The following SLC17A4 variants were observed in gnomAD, a reference collection of about 807,000 sequenced individuals.
SLC17A4 encodes solute carrier family 17 member 4, also known as probable small intestine urate exporter.
Under a neutral mutation model 52.5 loss-of-function variants are expected in SLC17A4, and 33 were observed. The observed-to-expected ratio is 0.63, with a 90% CI of 0.48 to 0.84. The LOEUF (loss-of-function observed/expected upper bound fraction) is 0.84. Ranked by LOEUF, SLC17A4 falls within the 40% of genes least tolerant of loss-of-function variation. The pLI is 0.00. For missense variants in SLC17A4, 585 were observed against 597.1 expected, an observed-to-expected ratio of 0.98 and a Z score of 0.21; for synonymous variants, 225 against 216.2, an observed-to-expected ratio of 1.04 and a Z score of -0.36.
At chr6:25,777,014 CTAAAT>C in intron 10 of SLC17A4, 55 bp downstream of exon 10, 1 of 1,541,638 alleles carries the variant, frequency 6.5e-7, no homozygotes, top group Non-Finnish European at 8.7e-7. Flanking sequence ...TCTAGCAGCC[CTAAAT>C]CTACTCTGAT....
Position 25,779,395 on chromosome 6 carries a change from T to C in SLC17A4, c.*207T>C. The stretch of plus-strand genomic sequence containing the variant: ...CAAGCTACTAAAAGCATAGGTGTGT[T>C]GAGATTTCTGTGTTCTCCACTCTTC... On this transcript the variant is annotated 3_prime_UTR_variant, in exon 12 of 12. Transcript: ENST00000377905. 1 of 555,968 alleles carries C rather than the reference T, an allele frequency of 1.8e-6. No individual in the cohort carries two copies. The highest frequency in any genetic ancestry group is 3.0e-6 in the Non-Finnish European group (1 of 332,064). The allele number at this position is 555,968 out of a possible 1,614,324, so 34.4% of individuals were successfully genotyped here.
At position 25,779,089 on chromosome 6, in the gene SLC17A4, T is replaced by C; in HGVS notation, c.1395T>C (p.Leu465=). 6.2e-7 allele frequency: 1 copy of C among 1,613,868 alleles called. No homozygotes were observed. Among genetic ancestry groups the C allele is most frequent in the Non-Finnish European group, 8.5e-7 (1 of 1,179,798 alleles). Residue 465 remains leucine (L), a synonymous_variant, in exon 12 of 12, where the codon CTT becomes CTC. Transcript: ENST00000377905. ...SEFGWRNVFL[L]SAAVNISGLV... ...TTGGTTGGAGAAATGTCTTCTTGCT[T>C]TCAGCTGCTGTTAACATATCGGGCC...
rs1205530733 is a variant in SLC17A4 at position 25,770,193 on chromosome 6, G to T, written c.424G>T (p.Gly142Cys). The change falls in exon 4 of 12, where the codon GGT becomes TGT. Residue 142 changes from glycine (G) to cysteine (C), a missense_variant. By Grantham distance (159) the Gly-to-Cys change is radical. Transcript: ENST00000377905. ...AGIFGAKYVV[G>C]AGLFISSFLT... ...AATATTTGGAGCCAAGTATGTGGTT[G>T]GTGCTGGCTTGTTTATTTCCTCATT... 9 of 1,613,966 alleles carry T rather than the reference G, an allele frequency of 5.6e-6. No individual in the cohort carries two copies.
At chr6:25,775,742 A>G (rs1391190348) in intron 8 of SLC17A4, among the ~76,000 whole-genome samples, 1 of 152,102 alleles carries the variant, frequency 6.6e-6, no homozygotes, top group African/African-American at 2.4e-5. Context: ...TTTCCTATAT[A>G]TATTCTTTCT....
chr6:25,771,369 T>A (rs1455432963), intron 6 of SLC17A4, among the ~76,000 whole-genome samples: 1 of 151,548 alleles, frequency 6.6e-6, no homozygotes, highest in Non-Finnish European at 1.5e-5. Flanking sequence ...AGTCCAGGAG[T>A]TTGAAACCAG....
In SLC17A4 at chr6:25,776,613, T is replaced by C; in HGVS notation, c.1006T>C (p.Leu336=). 1.2e-6 allele frequency: 2 copies of C among 1,609,584 alleles called. No individual in the cohort carries two copies. The highest frequency in any genetic ancestry group is 1.7e-6 in the Non-Finnish European group (2 of 1,177,506). ...NLRDSGILSA[L]PFVVGCICII... ...TCCTCAGAGTGGGATCCTGTCTGCC[T>C]TGCCGTTTGTTGTTGGATGTATCTG... Residue 336 remains leucine (L), a synonymous_variant, in exon 9 of 12, where the codon TTG becomes CTG. Transcript: ENST00000377905.
At position 25,770,929 on chromosome 6, in the gene SLC17A4, C is replaced by T. The variant is rs1295816404; in HGVS notation, c.623C>T (p.Ser208Leu). 3 of 1,613,598 alleles carry T rather than the reference C, an allele frequency of 1.9e-6. No individual in the cohort carries two copies. In the Admixed American group the frequency reaches 5.0e-5, roughly 27 times the overall value. Residue 208 changes from serine to leucine, a missense_variant, in exon 6 of 12, where the codon TCA becomes TTA. Transcript: ENST00000377905. ...SQLTTIAGSGSMLGSFIVLLA... is the reference protein window; with the variant it reads ...SQLTTIAGSGLMLGSFIVLLA... ...CATCCTCGCCTCTTCTGTTCAGGGT[C>T]AATGCTGGGGTCCTTCATTGTTCTA...
intron 10 of SLC17A4, chr6:25,777,221 C>T (rs1416988408): frequency 4.7e-6 from 2 of 428,124 alleles, no homozygotes; most frequent in Non-Finnish European, 8.3e-6. Flanking sequence ...ACAAACCTCT[C>T]TCTGTTGAGG....
chr6:25,778,959 G>A (rs1303854964), intron 11 of SLC17A4, 95 bp from the exon 12 acceptor site: 4 of 1,514,824 alleles, frequency 2.6e-6, no homozygotes, highest in African/African-American at 2.8e-5. Context: ...GTGGAGGTCG[G>A]GGAGGGAGCA....
Position 25,769,158 on chromosome 6 carries a change from T to C in SLC17A4, c.265T>C (p.Trp89Arg). ...ERPSTDSQGY[W>R]NETLKEFKAM... ...GCCCTCCACTGACTCCCAGGGCTAC[T>C]GGAATGAAACTCTAAAAGAATTTAA... The change falls in exon 3 of 12, where the codon TGG (tryptophan) becomes CGG (arginine). Residue 89 changes from tryptophan (W) to arginine (R), a missense_variant. By Grantham distance (101) the Trp-to-Arg change is moderately radical. Coordinates refer to ENST00000377905, the MANE Select transcript of SLC17A4 (RefSeq NM_005495.3). The C allele has an allele frequency of 6.2e-7, 1 of 1,614,028 alleles. No homozygotes were observed. Among genetic ancestry groups the C allele is most frequent in the East Asian group, 2.2e-5 (1 of 44,888 alleles).
At chr6:25,757,056 A>G (rs1761081203) in intron 1 of SLC17A4, among the ~76,000 whole-genome samples, 1 of 152,196 alleles carries the variant, frequency 6.6e-6, no homozygotes. Flanking sequence ...TCCATTTGCC[A>G]ATGAGTATTT....
intron 2 of SLC17A4, among the ~76,000 whole-genome samples, chr6:25,762,441 C>T (rs915703002): frequency 6.6e-5 from 10 of 152,150 alleles, no homozygotes; most frequent in African/African-American, 2.4e-4. Context: ...GGGCTTTTTG[C>T]TTCTACCATG....
chr6:25,759,588 T>C (rs1761352459), intron 1 of SLC17A4, among the ~76,000 whole-genome samples: 1 of 152,190 alleles, frequency 6.6e-6, no homozygotes, highest in Non-Finnish European at 1.5e-5. Flanking sequence ...TATAAGTTTG[T>C]TTTGTCTGAT....
At chr6:25,771,054 T>TC in intron 6 of SLC17A4, 42 bp downstream of exon 6, 6 of 1,450,422 alleles carry the variant, frequency 4.1e-6, no homozygotes, top group Non-Finnish European at 5.8e-6. Flanking sequence ...TGACAGAGAC[T>TC]TCTGTGATGC....
At position 25,760,032 on chromosome 6, in the gene SLC17A4, C is replaced by T. The variant is rs78626603; in HGVS notation, c.-36-1895C>T. Among the ~76,000 whole-genome samples the T allele has an allele frequency of 7.8e-3, 1,183 of 152,272 alleles. 27 individuals are homozygous for T. The highest frequency in any genetic ancestry group is 0.065 in the East Asian group (339 of 5,182). On this transcript the variant is annotated intron_variant, in intron 1 of 11. Transcript: ENST00000377905. ...GTCTCTGGTACACACCGTGAAGCAG[C>T]AATACAAGTGGGAGGATGCAGCTTG...
In SLC17A4 at chr6:25,762,026, G is replaced by T. The variant is rs576691816; in HGVS notation, c.64G>T (p.Val22Leu). 1.2e-6 allele frequency: 2 copies of T among 1,613,202 alleles called. No homozygotes were observed. Among genetic ancestry groups the T allele is most frequent in the South Asian group, 1.1e-5 (1 of 91,012 alleles). ...GDISSDGNLN[V>L]AQEECSRKGF... ...CATTTCCAGTGATGGCAATTTAAAC[G>T]TGGCTCAAGAGGAATGCTCCAGGAA... The change falls in exon 2 of 12, where the codon GTG becomes TTG. Residue 22 changes from valine to leucine, a missense_variant. Val to Leu is a conservative substitution (Grantham distance 32). Coordinates refer to ENST00000377905, the MANE Select transcript of SLC17A4 (RefSeq NM_005495.3).
intron 1 of SLC17A4, among the ~76,000 whole-genome samples, chr6:25,757,732 G>C (rs1446975968): frequency 6.6e-6 from 1 of 152,094 alleles, no homozygotes; most frequent in African/African-American, 2.4e-5. Flanking sequence ...TTCTTAGCTG[G>C]AGCTCTTGTG....
rs551864365 is a variant in SLC17A4 at position 25,769,008 on chromosome 6, C to A, written c.115C>A (p.Leu39Met). Residue 39 changes from leucine (L) to methionine (M), a missense_variant, in exon 3 of 12, where the codon CTG (leucine) becomes ATG (methionine). Coordinates refer to ENST00000377905, the MANE Select transcript of SLC17A4 (RefSeq NM_005495.3). The part of the protein sequence containing the change: ...RKGFCSVRHG[L>M]ALILQLCNFS... The stretch of plus-strand genomic sequence containing the variant: ...AGGTTTTTGTTCAGTCCGACATGGG[C>A]TGGCCCTCATCTTGCAGCTCTGTAA... The A allele has an allele frequency of 8.7e-6, 14 of 1,614,062 alleles. No homozygotes were observed. In the African/African-American group the frequency reaches 1.7e-4, roughly 20 times the overall value.
chr6:25,771,003 T>G lies in SLC17A4; in HGVS notation c.697T>G (p.Tyr233Asp). ...GACCATAGGATGGCCTTACGTCTTC[T>G]ATATCTTTGGTGAGTGTGCTTTTCA... Reference protein sequence around the residue: ...CQTIGWPYVFYIFGGIGCACC... With the variant: ...CQTIGWPYVFDIFGGIGCACC... Residue 233 changes from tyrosine (Y) to aspartate (D), a missense_variant, in exon 6 of 12, where the codon TAT (tyrosine) becomes GAT (aspartate). Physicochemically the swap from Tyr to Asp is radical, Grantham distance 160. Transcript: ENST00000377905. The G allele has an allele frequency of 6.2e-7, 1 of 1,613,536 alleles. No homozygotes were observed. The highest frequency in any genetic ancestry group is 8.5e-7 in the Non-Finnish European group (1 of 1,179,532).
Sources: gnomAD v4.1 joint callset for allele counts (sites outside exome capture counted in the v4.1 genomes callset) on GRCh38, gnomAD v4.1.1 for gene constraint, MANE v1.5 for transcripts, NCBI Gene and HGNC (gene_info 2026-07-23, HGNC 2026-07-21) for gene names.